The following IL3RA variants were observed in gnomAD, a reference collection of about 807,000 sequenced individuals.
IL3RA encodes interleukin-3 receptor subunit alpha.
Under a neutral mutation model 52.3 loss-of-function variants are expected in IL3RA, and 73 were observed. The observed-to-expected ratio is 1.40, with a 90% confidence interval of 1.16 to 1.70. IL3RA has a LOEUF of 1.70. Among genes scored for constraint, IL3RA ranks in the 40% most tolerant of loss-of-function variants. IL3RA has a pLI of 0.00. For missense variants in IL3RA, 664 were observed against 504.4 expected, an observed-to-expected ratio of 1.32 and a Z score of -3.03; for synonymous variants, 260 against 194.0, an observed-to-expected ratio of 1.34 and a Z score of -2.83.
intron 8 of IL3RA, among the ~76,000 whole-genome samples, chrX:1,362,818 C>G (rs1362424358): frequency 6.6e-6 from 1 of 152,006 alleles, no homozygotes; most frequent in Non-Finnish European, 1.5e-5. Flanking sequence ...CTCTGTCACC[C>G]AGGCTGGAGT....
chrX:1,355,483 G>GGGAGGAGGAGGAGGA (rs2086637891), intron 6 of IL3RA, among the ~76,000 whole-genome samples: 1 of 136,524 alleles, frequency 7.3e-6, no homozygotes, highest in African/African-American at 2.7e-5. Flanking sequence ...GAGGAGGAGG[G>GGGAGGAGGAGGAGGA]GGCCAGGGCT....
At chrX:1,381,938 GTT>G (rs200738899) in intron 11 of IL3RA, among the ~76,000 whole-genome samples, 2 of 150,964 alleles carry the variant, frequency 1.3e-5, no homozygotes, top group Non-Finnish European at 3.0e-5. Flanking sequence ...TTTTTGTTTT[GTT>G]TTGTTTTGTT....
intron 6 of IL3RA, among the ~76,000 whole-genome samples, chrX:1,353,949 C>CT (rs2086383575): frequency 1.0e-5 from 1 of 99,414 alleles, no homozygotes; most frequent in Non-Finnish European, 2.0e-5. Context: ...TGGGACCCCC[C>CT]CCCCCATCAT....
rs1408480704 is a variant in IL3RA at position 1,348,514 on chromosome X, A to T, written c.267A>T (p.Pro89=). The T allele has an allele frequency of 6.2e-7, 1 of 1,613,794 alleles. No individual in the cohort carries two copies. The highest frequency in any genetic ancestry group is 2.2e-5 in the East Asian group (1 of 44,880). ...TNYTVRVANP[P]FSTWILFPEN... Reference sequence around the variant, plus strand: ...ACACCGTCCGAGTGGCCAACCCACCATTCTCCACGTGGATCCTCTTCCCTG... The same window carrying T: ...ACACCGTCCGAGTGGCCAACCCACCTTTCTCCACGTGGATCCTCTTCCCTG... The change falls in exon 4 of 12, where the codon CCA becomes CCT. Residue 89 remains proline (P), a synonymous_variant. Transcript: ENST00000331035.
chrX:1,369,914 G>A (rs1399971044), intron 9 of IL3RA, among the ~76,000 whole-genome samples: 2 of 37,910 alleles, frequency 5.3e-5, no homozygotes, highest in East Asian at 6.3e-4. Context: ...CCCAGGAGAG[G>A]GGCCTCAGGA....
chrX:1,377,385 C>A (rs1416396949), intron 9 of IL3RA, among the ~76,000 whole-genome samples: 1 of 151,930 alleles, frequency 6.6e-6, no homozygotes, highest in African/African-American at 2.4e-5. Flanking sequence ...GGATGACAGG[C>A]GCCCGCCACC....
intron 3 of IL3RA, 53 bp from the exon 4 acceptor site, chrX:1,348,378 G>A (rs1218175640): frequency 3.6e-5 from 50 of 1,386,940 alleles, no homozygotes; most frequent in Admixed American, 2.7e-4. Context: ...CATCATTAGC[G>A]TCAAATTAAG....
At chrX:1,339,723 T>C (rs1488093956) in intron 1 of IL3RA, among the ~76,000 whole-genome samples, 4 of 151,722 alleles carry the variant, frequency 2.6e-5, no homozygotes, top group Non-Finnish European at 4.4e-5. Context: ...ACGTGGGAGG[T>C]GGAGGTTGCA....
chrX:1,378,652 C>A lies in IL3RA; in HGVS notation c.875-7C>A. On this transcript the variant is annotated splice_polypyrimidine_tract_variant and splice_region_variant and intron_variant, in intron 9 of 11. Transcript: ENST00000331035. ...CGGTCTGTGACCCTCTCACCCTTTA[C>A]CCCTAGAGTGCGACCAGGAGGAGGG... 6.2e-7 allele frequency: 1 copy of A among 1,611,160 alleles called. No homozygotes were observed. Among genetic ancestry groups the A allele is most frequent in the Non-Finnish European group, 8.5e-7 (1 of 1,179,024 alleles).
At chrX:1,349,344 G>C (rs1383202536) in intron 4 of IL3RA, among the ~76,000 whole-genome samples, 18 of 151,856 alleles carry the variant, frequency 1.2e-4, no homozygotes, top group African/African-American at 3.6e-4. Context: ...GCCACGCCCA[G>C]CTAATTCTTG....
chrX:1,348,226 A>ATG (rs1569520528), intron 3 of IL3RA, among the ~76,000 whole-genome samples: 9 of 133,848 alleles, frequency 6.7e-5, no homozygotes, highest in Non-Finnish European at 1.1e-4. Flanking sequence ...GGTGGCGGGC[A>ATG]CCTGTAATCC....
At position 1,352,218 on chromosome X, in the gene IL3RA, C is replaced by A. The variant is rs769063922; in HGVS notation, c.417C>A (p.Tyr139Ter). ...CCGCGGACGTCCAGTACGACCTGTA[C>A]TTGAACGTTGCCAAGTAGGTGTGCC... is the stretch of plus-strand genomic sequence containing the variant. ...GAPADVQYDLYLNVANRRQQY... is the reference protein window; with the variant it reads ...GAPADVQYDL Residue 139 changes from tyrosine (Y) to a stop codon, truncating the protein, a stop_gained, in exon 5 of 12, where the codon TAC becomes TAA. Transcript: ENST00000331035. LOFTEE classifies it high-confidence loss of function. 1.2e-6 allele frequency: 2 copies of A among 1,613,682 alleles called. No individual in the cohort carries two copies. Among genetic ancestry groups the A allele is most frequent in the Non-Finnish European group, 1.7e-6 (2 of 1,179,754 alleles).
chrX:1,338,303 G>T (rs1741320197), intron 1 of IL3RA, among the ~76,000 whole-genome samples: 1 of 150,730 alleles, frequency 6.6e-6, no homozygotes, highest in Non-Finnish European at 1.5e-5. Context: ...ACACAGCCAT[G>T]AAAAGGAACA....
rs770528027 is a variant in IL3RA at position 1,351,126 on chromosome X, G to A, written c.299-974G>A. Among the ~76,000 whole-genome samples, 12 of 152,062 alleles carry A rather than the reference G, an allele frequency of 7.9e-5. No homozygotes were observed. In the South Asian group the frequency reaches 2.5e-3, roughly 32 times the overall value. On this transcript the variant is annotated intron_variant, in intron 4 of 11. Coordinates refer to ENST00000331035, the MANE Select transcript of IL3RA (RefSeq NM_002183.4). ...GGAGGCTGAGGCAGGAGAATTGCTT[G>A]AACCCGGGAGGTGGAGGTTGCAGTG...
Position 1,352,114 on chromosome X carries a change from G to A in IL3RA, c.313G>A (p.Ala105Thr). ...LFPENSGKPW[A>T]GAENLTCWIH... The stretch of plus-strand genomic sequence containing the variant: ...TGTGAACCCAGGTGGGAAGCCTTGG[G>A]CAGGTGCGGAGAATCTGACCTGCTG... Residue 105 changes from alanine (A) to threonine (T), a missense_variant, in exon 5 of 12, where the codon GCA (alanine) becomes ACA (threonine). Coordinates refer to ENST00000331035, the MANE Select transcript of IL3RA (RefSeq NM_002183.4). 6.2e-7 allele frequency: 1 copy of A among 1,613,802 alleles called. No homozygotes were observed.
intron 6 of IL3RA, among the ~76,000 whole-genome samples, chrX:1,352,723 A>C (rs2086163742): frequency 6.6e-6 from 1 of 151,742 alleles, no homozygotes; most frequent in African/African-American, 2.4e-5. Context: ...CTGTGTCTTC[A>C]CGTGGTGTAG....
At chrX:1,379,937 T>A (rs1300961438) in intron 10 of IL3RA, among the ~76,000 whole-genome samples, 4 of 152,326 alleles carry the variant, frequency 2.6e-5, no homozygotes, top group African/African-American at 9.6e-5. Flanking sequence ...ATTTTGTATT[T>A]TTAGTAGAGA....
chrX:1,367,801 G>A (rs1291390559), intron 9 of IL3RA, among the ~76,000 whole-genome samples: 7 of 144,138 alleles, frequency 4.9e-5, no homozygotes, highest in African/African-American at 8.0e-5. Context: ...GGGGTGCGCC[G>A]GGTGAGCGGG....
intron 2 of IL3RA, 42 bp from the exon 3 acceptor site, chrX:1,345,274 T>C (rs764622904): frequency 7.2e-7 from 1 of 1,387,156 alleles, no homozygotes; most frequent in Non-Finnish European, 1.0e-6. Flanking sequence ...CGTTTTAAGA[T>C]TCTTACGTAT....
Sources: allele counts gnomAD v4.1 joint callset (sites outside exome capture counted in the v4.1 genomes callset), GRCh38; gene constraint gnomAD v4.1.1; transcripts MANE v1.5; gene names NCBI Gene and HGNC (gene_info 2026-07-23, HGNC 2026-07-21).